The following ENTPD5 variants were observed in gnomAD, a reference collection of about 807,000 sequenced individuals.
The protein encoded by ENTPD5 is nucleoside diphosphate phosphatase ENTPD5.
Under a neutral mutation model 60.2 loss-of-function variants are expected in ENTPD5, and 49 were observed. The observed-to-expected ratio is 0.81, with a 90% CI of 0.65 to 1.03. The LOEUF (loss-of-function observed/expected upper bound fraction) is 1.03. Among genes scored for constraint, ENTPD5 ranks in the 50% least tolerant of loss-of-function variants. ENTPD5 has a pLI of 0.00. For missense variants in ENTPD5, 480 were observed against 507.6 expected, an observed-to-expected ratio of 0.95 and a Z score of 0.52; for synonymous variants, 187 against 185.4, an observed-to-expected ratio of 1.01 and a Z score of -0.07.
In ENTPD5 at chr14:73,977,352, G is replaced by T; in HGVS notation, c.464C>A (p.Ser155Ter). 1.9e-6 allele frequency: 3 copies of T among 1,589,260 alleles called. No individual in the cohort carries two copies. The South Asian group carries it at 3.3e-5, about 18-fold the overall frequency. The change falls in exon 7 of 16, where the codon TCA becomes TAA. Residue 155 changes from serine (S) to a stop codon, truncating the protein, a stop_gained. Transcript: ENST00000334696. LOFTEE classifies it high-confidence loss of function. ...LFEVKEIFRK[S>*]PFLVPKGSVS... is the part of the protein sequence containing the mutation. ...ACTGCCCTTTGGTACCAGGAAAGGT[G>T]ACTTCCTGAAGATCTCCTTTACCTA... is the stretch of plus-strand genomic sequence containing the variant.
At chr14:73,959,028 A>G, downstream of ENTPD5, 3 of 1,614,138 alleles carry the variant, frequency 1.9e-6, no homozygotes, top group Non-Finnish European at 2.5e-6. Context: ...CCAGAATGTG[A>G]GCTGGAACTA....
At chr14:73,994,646 T>C (rs1276165491) in intron 3 of ENTPD5, among the ~76,000 whole-genome samples, 1 of 150,650 alleles carries the variant, frequency 6.6e-6, no homozygotes, top group Non-Finnish European at 1.5e-5. Flanking sequence ...GTCAGGAGAA[T>C]CGCTTGAACC....
rs1357103108 is a variant in ENTPD5, at chr14:73,976,334, G to A, written c.632C>T (p.Pro211Leu). The A allele has an allele frequency of 4.3e-6, 7 of 1,613,824 alleles. No individual in the cohort carries two copies. The Admixed American group carries it at 8.3e-5, about 19-fold the overall frequency. The change falls in exon 9 of 16, where the codon CCC (proline) becomes CTC (leucine). Residue 211 changes from proline to leucine, a missense_variant. Transcript: ENST00000334696. ...CATTAAATGACTCACCTCAAACTGG[G>A]GCAGGAACGTGATTTGGGTGGAGGC... is the stretch of plus-strand genomic sequence containing the variant. ...GGASTQITFL[P>L]QFEKTLEQTP...
At chr14:73,986,728 T>A in intron 5 of ENTPD5, 86 bp downstream of exon 5, 1 of 911,582 alleles carries the variant, frequency 1.1e-6, no homozygotes, top group Non-Finnish European at 1.8e-6. Flanking sequence ...ATCTCATTAG[T>A]GAATAGCATG....
intron 3 of ENTPD5, among the ~76,000 whole-genome samples, chr14:73,992,152 C>A (rs1417913209): frequency 2.6e-5 from 4 of 152,114 alleles, no homozygotes; most frequent in African/African-American, 9.6e-5. Flanking sequence ...TACTTTGCAC[C>A]AAACAGTTTT....
chr14:73,981,523 G>C (rs771855320), intron 6 of ENTPD5, among the ~76,000 whole-genome samples: 1 of 151,186 alleles, frequency 6.6e-6, no homozygotes, highest in African/African-American at 2.4e-5. Context: ...TTCACCAGGC[G>C]TGGTGGCTCA....
intron 3 of ENTPD5, chr14:73,996,032 G>T: frequency 4.0e-6 from 2 of 500,916 alleles, no homozygotes; most frequent in Non-Finnish European, 5.2e-6. Context: ...TCACACTCTG[G>T]CTTCCCTTCT....
chr14:73,973,048 G>T (rs1566714711), intron 12 of ENTPD5, 24 bp from the exon 13 acceptor site: 3 of 1,613,344 alleles, frequency 1.9e-6, no homozygotes, highest in Middle Eastern at 1.7e-4. Flanking sequence ...GTGCACAGGG[G>T]TAAGGTGAGA....
At chr14:73,982,135 T>C (rs1322904336) in intron 6 of ENTPD5, among the ~76,000 whole-genome samples, 1 of 152,174 alleles carries the variant, frequency 6.6e-6, no homozygotes, top group African/African-American at 2.4e-5. Context: ...AGTGCAGTGG[T>C]GTGATCTCAG....
intron 4 of ENTPD5, chr14:73,987,143 G>C (rs2057937027): frequency 1.4e-6 from 1 of 702,170 alleles, no homozygotes; most frequent in Non-Finnish European, 2.6e-6. Flanking sequence ...CTCCATAAGT[G>C]ACCTGAGGAA....
At chr14:73,973,111 G>A in intron 12 of ENTPD5, 87 bp from the exon 13 acceptor site, 2 of 1,490,746 alleles carry the variant, frequency 1.3e-6, no homozygotes, top group Non-Finnish European at 1.8e-6. Context: ...GAGACAATGA[G>A]GGAACAGCAG....
intron 2 of ENTPD5, among the ~76,000 whole-genome samples, chr14:74,015,080 C>CAA (rs57058415): frequency 1.6e-5 from 2 of 125,770 alleles, no homozygotes; most frequent in African/African-American, 2.9e-5. Context: ...GACTACCTCT[C>CAA]AAAAAAAAAA....
rs74473012 is a variant in ENTPD5, at chr14:74,014,650, T to A, written c.-131+1174A>T. 2.2e-4 allele frequency among the ~76,000 whole-genome samples: 33 copies of A among 152,286 alleles called. No homozygotes were observed. The East Asian group carries it at 6.4e-3, about 29-fold the overall frequency. On this transcript the variant is annotated intron_variant, in intron 2 of 15. Transcript: ENST00000334696. ...AAATTTTTAAAAATTTATCTAAAAG[T>A]GATAAGATTAAATCCTTGACCGCCA...
chr14:73,974,516 T>A (rs996890687), intron 11 of ENTPD5, among the ~76,000 whole-genome samples: 2 of 152,246 alleles, frequency 1.3e-5, no homozygotes, highest in Non-Finnish European at 2.9e-5. Flanking sequence ...TGAACCCAGT[T>A]CTGCCTGACC....
At position 73,971,892 on chromosome 14, in the gene ENTPD5, A is replaced by G. The variant is rs1566712359; in HGVS notation, c.1044T>C (p.Gly348=). 2.5e-6 allele frequency: 4 copies of G among 1,598,828 alleles called. No homozygotes were observed. Among genetic ancestry groups the G allele is most frequent in the Non-Finnish European group, 3.4e-6 (4 of 1,166,330 alleles). The stretch of plus-strand genomic sequence containing the variant: ...TTTCAAAATCTTCAACTTTTAAAAT[A>G]CCCCCCTTTTCATAATCTGAAATAA... ...DTDMIDYEKG[G]ILKVEDFERK... Residue 348 remains glycine (G), a synonymous_variant, in exon 14 of 16, where the codon GGT becomes GGC. Coordinates refer to ENST00000334696, the MANE Select transcript of ENTPD5 (RefSeq NM_001249.5).
intron 5 of ENTPD5, chr14:73,986,448 C>G (rs1366889406): frequency 5.8e-6 from 1 of 171,986 alleles, no homozygotes; most frequent in Non-Finnish European, 1.2e-5. Context: ...GCTCACCATG[C>G]CTTCAACTGC....
intron 3 of ENTPD5, among the ~76,000 whole-genome samples, chr14:74,004,357 G>A (rs559150802): frequency 2.6e-5 from 4 of 152,066 alleles, no homozygotes; most frequent in Non-Finnish European, 2.9e-5. Context: ...TAGTAGAGAC[G>A]GGGTTTCGCC....
intron 2 of ENTPD5, among the ~76,000 whole-genome samples, chr14:74,013,723 G>A (rs1030218824): frequency 1.3e-5 from 2 of 152,092 alleles, no homozygotes; most frequent in African/African-American, 4.8e-5. Context: ...CCAGGTCAGA[G>A]CTTTATACAT....
At chr14:74,017,530 A>G (rs2140897051) in intron 1 of ENTPD5, among the ~76,000 whole-genome samples, 1 of 151,496 alleles carries the variant, frequency 6.6e-6, no homozygotes, top group Non-Finnish European at 1.5e-5. Flanking sequence ...GTGAGCCGAG[A>G]TCGTGCCATT....
Sources: allele counts gnomAD v4.1 joint callset (sites outside exome capture counted in the v4.1 genomes callset), GRCh38; gene constraint gnomAD v4.1.1; transcripts MANE v1.5; gene names NCBI Gene and HGNC (gene_info 2026-07-23, HGNC 2026-07-21).